SHISA9: variants seen among roughly 807,000 people sequenced by gnomAD.
SHISA9 encodes protein shisa-9.
SHISA9 carries 13 observed loss-of-function variants against 38.0 expected under a neutral mutation model. The observed-to-expected ratio is 0.34, with a 90% CI of 0.22 to 0.54. SHISA9 has a LOEUF of 0.54. SHISA9 is among the 20% of genes least tolerant of loss of function. The pLI, the probability that SHISA9 is intolerant of heterozygous loss-of-function variation, is 0.91. For missense variants in SHISA9, 538 were observed against 575.8 expected, an observed-to-expected ratio of 0.93 and a Z score of 0.67; for synonymous variants, 275 against 242.0, an observed-to-expected ratio of 1.14 and a Z score of -1.27.
chr16:12,989,914 C>T (rs1201525782), intron 2 of SHISA9, among the ~76,000 whole-genome samples: 3 of 152,112 alleles, frequency 2.0e-5, no homozygotes, highest in African/African-American at 4.8e-5. Context: ...ATTAGCTATT[C>T]TTCCTGATGC....
intron 4 of SHISA9, among the ~76,000 whole-genome samples, chr16:13,214,906 A>G (rs2051153107): frequency 6.6e-6 from 1 of 152,088 alleles, no homozygotes; most frequent in Admixed American, 6.5e-5. Context: ...ATTCAAGATG[A>G]GATTTGGGTG....
At chr16:13,402,986 C>T in the SHISA9 span, among the ~76,000 whole-genome samples, 2 of 152,068 alleles carry the variant, frequency 1.3e-5, no homozygotes, top group Non-Finnish European at 2.9e-5. Context: ...GGTGTGGTGG[C>T]GTGCGCCTGT....
intron 2 of SHISA9, among the ~76,000 whole-genome samples, chr16:13,178,274 C>T (rs534682478): frequency 6.6e-6 from 1 of 151,596 alleles, no homozygotes; most frequent in East Asian, 1.9e-4. Context: ...AGTTGGCTTT[C>T]ATCTTGACAT....
the SHISA9 span, among the ~76,000 whole-genome samples, chr16:13,549,352 G>A: frequency 1.3e-5 from 2 of 152,136 alleles, no homozygotes; most frequent in Admixed American, 1.3e-4. Context: ...AATGTATTAG[G>A]TGATGGATAT....
At chr16:13,463,049 G>A in the SHISA9 span, among the ~76,000 whole-genome samples, 1 of 152,136 alleles carries the variant, frequency 6.6e-6, no homozygotes, top group Non-Finnish European at 1.5e-5. Flanking sequence ...CCAGCTACCA[G>A]GGAGGCTGAG....
At chr16:13,257,941 G>C in the SHISA9 span, among the ~76,000 whole-genome samples, 2 of 152,080 alleles carry the variant, frequency 1.3e-5, no homozygotes, top group Admixed American at 6.6e-5. Flanking sequence ...AGCATCCTTC[G>C]CTAAATAAAA....
chr16:13,314,995 C>CT, the SHISA9 span, among the ~76,000 whole-genome samples: 1 of 152,114 alleles, frequency 6.6e-6, no homozygotes, highest in Non-Finnish European at 1.5e-5. Flanking sequence ...ACCACAGCTC[C>CT]TTATTCTTAG....
chr16:13,461,723 C>T, the SHISA9 span, among the ~76,000 whole-genome samples: 271 of 148,926 alleles, frequency 1.8e-3, 1 homozygote, highest in African/African-American at 6.4e-3. Context: ...ACGCCATTCT[C>T]CTGCCTCAGC....
chr16:13,208,443 CT>C (rs71395107), intron 3 of SHISA9, among the ~76,000 whole-genome samples: 66 of 125,050 alleles, frequency 5.3e-4, no homozygotes, highest in South Asian at 1.0e-3. Flanking sequence ...CTTTTTTTTT[CT>C]TTTTTTTTTT....
intron 2 of SHISA9, among the ~76,000 whole-genome samples, chr16:12,920,213 C>G (rs1183814955): frequency 6.6e-5 from 10 of 152,016 alleles, no homozygotes. Flanking sequence ...GGAGATATAC[C>G]TAATGTAAAT....
chr16:12,971,903 A>G (rs2072087923), intron 2 of SHISA9, among the ~76,000 whole-genome samples: 1 of 152,114 alleles, frequency 6.6e-6, no homozygotes, highest in Admixed American at 6.5e-5. Flanking sequence ...TGTCCTATAG[A>G]TTCCGGTCTG....
chr16:13,535,652 T>C, the SHISA9 span, among the ~76,000 whole-genome samples: 1 of 152,354 alleles, frequency 6.6e-6, no homozygotes, highest in East Asian at 1.9e-4. Flanking sequence ...AAAAGTTTGC[T>C]GCCCCCTGGT....
the SHISA9 span, among the ~76,000 whole-genome samples, chr16:13,508,799 T>C: frequency 8.8e-3 from 1,341 of 152,324 alleles, 24 homozygotes; most frequent in African/African-American, 0.031. Flanking sequence ...TAATTTCTCA[T>C]TGGCAGGTTG....
intron 2 of SHISA9, among the ~76,000 whole-genome samples, chr16:13,053,074 A>G (rs1320210470): frequency 2.1e-5 from 3 of 145,620 alleles, no homozygotes; most frequent in Non-Finnish European, 3.0e-5. Context: ...AGCAATTCTC[A>G]TGTCCCATTC....
At chr16:13,106,066 G>C (rs768424329) in intron 2 of SHISA9, among the ~76,000 whole-genome samples, 15 of 152,058 alleles carry the variant, frequency 9.9e-5, no homozygotes, top group African/African-American at 1.4e-4. Context: ...TTGCAGATGA[G>C]GAAACTGAGC....
At chr16:13,280,437 T>C in the SHISA9 span, among the ~76,000 whole-genome samples, 1 of 151,926 alleles carries the variant, frequency 6.6e-6, no homozygotes, top group East Asian at 1.9e-4. Flanking sequence ...TCGAATATTA[T>C]GGATTTCCCT....
At chr16:13,466,097 T>G in the SHISA9 span, among the ~76,000 whole-genome samples, 1 of 152,194 alleles carries the variant, frequency 6.6e-6, no homozygotes, top group Non-Finnish European at 1.5e-5. Flanking sequence ...CTAGCAAAAT[T>G]TGTACTTCCT....
chr16:13,063,556 G>A (rs569954270), intron 2 of SHISA9, among the ~76,000 whole-genome samples: 4 of 152,190 alleles, frequency 2.6e-5, no homozygotes, highest in South Asian at 4.2e-4. Context: ...AAATAATGGC[G>A]CAGAATGTTC....
the SHISA9 span, among the ~76,000 whole-genome samples, chr16:13,441,863 T>C: frequency 6.6e-6 from 1 of 152,322 alleles, no homozygotes; most frequent in East Asian, 1.9e-4. Flanking sequence ...AAACTATGTG[T>C]GGGGCCGTAG....
Sources: allele counts gnomAD v4.1 joint callset (sites outside exome capture counted in the v4.1 genomes callset), GRCh38; gene constraint gnomAD v4.1.1; transcripts MANE v1.5; gene names NCBI Gene and HGNC (gene_info 2026-07-23, HGNC 2026-07-21).